The following RGPD8 variants were observed in gnomAD, a reference collection of about 807,000 sequenced individuals.
RGPD8 encodes RANBP2-like and GRIP domain-containing protein 8.
A neutral mutation model predicts 89.1 loss-of-function variants in RGPD8; 15 were observed. That is an observed-to-expected ratio of 0.17 (90% CI 0.11 to 0.26). The LOEUF is 0.26. RGPD8 is among the 10% of genes least tolerant of loss of function. The probability of loss-of-function intolerance (pLI) is 1.00; values close to 1 mark genes in which losing one functional copy is unlikely to be tolerated. For missense variants in RGPD8, 178 were observed against 1,179.6 expected, an observed-to-expected ratio of 0.15 and a Z score of 12.44; for synonymous variants, 62 against 420.9, an observed-to-expected ratio of 0.15 and a Z score of 10.44.
chr2:112,417,076 T>C, intron 6 of RGPD8, 117 bp downstream of exon 6: 2 of 1,600,530 alleles, frequency 1.2e-6, no homozygotes, highest in Non-Finnish European at 1.7e-6. Context: ...GTATTAACTA[T>C]AACTCCTAGG....
chr2:112,429,539 G>GA (rs1244160737), intron 1 of RGPD8, among the ~76,000 whole-genome samples: 1 of 151,394 alleles, frequency 6.6e-6, no homozygotes, highest in African/African-American at 2.4e-5. Context: ...GTAAAGGGCA[G>GA]AAAAAACAAC....
chr2:112,428,734 T>C (rs1430527983), intron 1 of RGPD8, among the ~76,000 whole-genome samples: 2 of 152,224 alleles, frequency 1.3e-5, no homozygotes, highest in East Asian at 3.9e-4. Flanking sequence ...TAAGCTGAAA[T>C]TGATGGGATT....
intron 20 of RGPD8, chr2:112,387,263 T>C (rs1222883275): frequency 1.9e-5 from 1 of 51,618 alleles, no homozygotes; most frequent in African/African-American, 7.5e-5. Context: ...CATTTATCCC[T>C]GTAGTTTCAT....
chr2:112,371,028 CTAAA>C (rs1485073290), intron 22 of RGPD8, among the ~76,000 whole-genome samples: 7 of 150,768 alleles, frequency 4.6e-5, no homozygotes, highest in South Asian at 2.1e-4. Flanking sequence ...TCCAGCACAA[CTAAA>C]TATTGTTGAC....
At chr2:112,431,641 G>GTTT (rs368409381) in intron 1 of RGPD8, among the ~76,000 whole-genome samples, 5 of 141,260 alleles carry the variant, frequency 3.5e-5, no homozygotes, top group Admixed American at 1.4e-4. Context: ...TGAGTTTCTG[G>GTTT]TTTTTTTTTT....
rs1463199435 is a variant in RGPD8, at chr2:112,374,862, T to TTC, written c.5263+3190_5263+3191insGA. 3.7e-5 allele frequency among the ~76,000 whole-genome samples: 5 copies of TTC among 135,234 alleles called. No homozygotes were observed. The South Asian group carries it at 7.2e-4, about 19-fold the overall frequency. 88.7% of individuals were successfully genotyped at this position (135,234 alleles called of 152,430 possible). On this transcript the variant is annotated intron_variant, in intron 22 of 22. Transcript: ENST00000302558. ...AACCATCTTGTAGTTTACATTCTTT[T>TTC]TTTTTTTTTTTTTTTTGAGATAGGA...
chr2:112,408,807 G>A (rs1360804848), intron 7 of RGPD8, among the ~76,000 whole-genome samples: 1 of 151,822 alleles, frequency 6.6e-6, no homozygotes, highest in Non-Finnish European at 1.5e-5. Context: ...AAGTAGCTGG[G>A]ACTACAGGCA....
intron 21 of RGPD8, among the ~76,000 whole-genome samples, chr2:112,379,580 G>A (rs1320641147): frequency 7.0e-6 from 1 of 142,566 alleles, no homozygotes; most frequent in African/African-American, 2.5e-5. Context: ...TGGTGACAGA[G>A]CGAGACTATC....
intron 1 of RGPD8, among the ~76,000 whole-genome samples, chr2:112,431,097 C>T (rs1182333672): frequency 6.6e-6 from 1 of 152,020 alleles, no homozygotes; most frequent in Non-Finnish European, 1.5e-5. Context: ...ACCAAAAATA[C>T]AAAACAAAAC....
At chr2:112,371,127 C>T (rs1349495467) in intron 22 of RGPD8, among the ~76,000 whole-genome samples, 1 of 149,300 alleles carries the variant, frequency 6.7e-6, no homozygotes, top group African/African-American at 2.5e-5. Context: ...TATGGGAAAC[C>T]TTAAAACTGA....
At chr2:112,382,540 C>A (rs1678351295) in intron 20 of RGPD8, among the ~76,000 whole-genome samples, 1 of 152,214 alleles carries the variant, frequency 6.6e-6, no homozygotes, top group Admixed American at 6.5e-5. Context: ...GTCTCCATGC[C>A]TTCTCCCTCT....
chr2:112,399,875 ACTCTT>A (rs1366143399), intron 13 of RGPD8, 106 bp from the exon 14 acceptor site: 1 of 1,054,440 alleles, frequency 9.5e-7, no homozygotes, highest in Non-Finnish European at 1.3e-6. Context: ...ACATCTCATT[ACTCTT>A]CTCTGTCATA....
intron 6 of RGPD8, among the ~76,000 whole-genome samples, chr2:112,414,092 G>T (rs930358218): frequency 6.8e-6 from 1 of 147,624 alleles, no homozygotes; most frequent in South Asian, 2.1e-4. Flanking sequence ...TCTATTAAGC[G>T]AGACATTAAA....
intron 2 of RGPD8, among the ~76,000 whole-genome samples, chr2:112,423,722 C>G (rs1490959186): frequency 6.6e-6 from 1 of 151,814 alleles, no homozygotes; most frequent in African/African-American, 2.4e-5. Context: ...AAAAAAAAAG[C>G]CTGCCTCCCT....
At chr2:112,432,748 C>G (rs1249827425) in intron 1 of RGPD8, 4 of 985,192 alleles carry the variant, frequency 4.1e-6, no homozygotes, top group East Asian at 1.1e-4. Context: ...GGCGAGCCCA[C>G]GAGCGAGCAC....
chr2:112,415,274 A>G (rs866026486), intron 6 of RGPD8, among the ~76,000 whole-genome samples: 383 of 152,350 alleles, frequency 2.5e-3, no homozygotes, highest in African/African-American at 8.5e-3. Context: ...AGTCCCAGCT[A>G]CTCAGGAGGC....
In RGPD8 at chr2:112,433,480, G is replaced by A; in HGVS notation, c.-27C>T. The A allele has an allele frequency of 6.2e-7, 1 of 1,600,316 alleles. No individual in the cohort carries two copies. The highest frequency in any genetic ancestry group is 2.2e-5 in the East Asian group (1 of 44,618). Reference sequence around the variant, plus strand: ...GCGCCGCCAACCTGGCTCCCGAGACGCGTGCGAGCACCGCTCAGCCCCGCA... The same window carrying A: ...GCGCCGCCAACCTGGCTCCCGAGACACGTGCGAGCACCGCTCAGCCCCGCA... On this transcript the variant is annotated 5_prime_UTR_variant, in exon 1 of 23. Transcript: ENST00000302558.
chr2:112,428,125 T>C (rs1205168908), intron 1 of RGPD8, among the ~76,000 whole-genome samples: 1 of 152,300 alleles, frequency 6.6e-6, no homozygotes, highest in Non-Finnish European at 1.5e-5. Flanking sequence ...ACAGAACTTC[T>C]AGAAAATGGA....
At chr2:112,414,913 G>A (rs1437704465) in intron 6 of RGPD8, among the ~76,000 whole-genome samples, 23 of 106,332 alleles carry the variant, frequency 2.2e-4, no homozygotes, top group East Asian at 3.2e-4. Context: ...CCAGCTACTC[G>A]GGAGGCTGAG....
Sources: allele counts gnomAD v4.1 joint callset (sites outside exome capture counted in the v4.1 genomes callset), GRCh38; gene constraint gnomAD v4.1.1; transcripts MANE v1.5; gene names NCBI Gene and HGNC (gene_info 2026-07-23, HGNC 2026-07-21).